The following ANKS1B variants were observed in gnomAD, a reference collection of about 807,000 sequenced individuals.
ANKS1B encodes the protein ankyrin repeat and sterile alpha motif domain containing 1B.
A neutral mutation model predicts 148.3 loss-of-function variants in ANKS1B; 36 were observed. That is an observed-to-expected ratio of 0.24 (90% CI 0.19 to 0.32). The LOEUF is 0.32. Among genes scored for constraint, ANKS1B ranks in the 10% least tolerant of loss-of-function variants. The pLI, the probability that ANKS1B is intolerant of heterozygous loss-of-function variation, is 1.00. For missense variants in ANKS1B, 1,157 were observed against 1,542.6 expected, an observed-to-expected ratio of 0.75 and a Z score of 4.19; for synonymous variants, 542 against 560.8, an observed-to-expected ratio of 0.97 and a Z score of 0.47.
At chr12:98,899,668 T>C (rs1219925752) in intron 17 of ANKS1B, among the ~76,000 whole-genome samples, 2 of 152,150 alleles carry the variant, frequency 1.3e-5, no homozygotes, top group African/African-American at 4.8e-5. Flanking sequence ...GTCTCCACAA[T>C]CATGTAAGCC....
chr12:99,236,108 T>C (rs1202627484), intron 14 of ANKS1B, among the ~76,000 whole-genome samples: 1 of 152,250 alleles, frequency 6.6e-6, no homozygotes, highest in Non-Finnish European at 1.5e-5. Flanking sequence ...TGCAAGTGAT[T>C]TGTAGACCAC....
intron 17 of ANKS1B, among the ~76,000 whole-genome samples, chr12:98,911,106 T>C (rs1472048083): frequency 6.6e-6 from 1 of 152,192 alleles, no homozygotes; most frequent in African/African-American, 2.4e-5. Flanking sequence ...TGGTAGATTT[T>C]TTTTTTAAAC....
intron 14 of ANKS1B, among the ~76,000 whole-genome samples, chr12:99,173,613 A>G (rs2078041923): frequency 6.6e-6 from 1 of 152,206 alleles, no homozygotes; most frequent in African/African-American, 2.4e-5. Context: ...TTATACTATA[A>G]TATAAACATA....
chr12:99,325,701 C>T (rs2086180187), intron 12 of ANKS1B, among the ~76,000 whole-genome samples: 1 of 152,084 alleles, frequency 6.6e-6, no homozygotes, highest in Admixed American at 6.6e-5. Context: ...GATCAAGATT[C>T]TGAAGCATTT....
At chr12:99,181,325 C>G (rs2079087798) in intron 14 of ANKS1B, among the ~76,000 whole-genome samples, 1 of 152,016 alleles carries the variant, frequency 6.6e-6, no homozygotes, top group African/African-American at 2.4e-5. Flanking sequence ...CTTTTGAAAG[C>G]CCCAACCATC....
At position 98,972,013 on chromosome 12, in the gene ANKS1B, C is replaced by CA. The variant is rs1216700599; in HGVS notation, c.2778+81143dup. On this transcript the variant is annotated intron_variant, in intron 17 of 26. Transcript: ENST00000683438. The stretch of plus-strand genomic sequence containing the variant: ...TCAAACCCCGTCTCTACTAAAAATA[C>CA]AAAAATTAGCCGGGCGTGGTGGCGT... Among the ~76,000 whole-genome samples, 10 of 152,140 alleles carry CA rather than the reference C, an allele frequency of 6.6e-5. No individual in the cohort carries two copies. In the East Asian group the frequency reaches 1.9e-3, roughly 29 times the overall value.
intron 12 of ANKS1B, among the ~76,000 whole-genome samples, chr12:99,347,768 A>G (rs1278500186): frequency 1.3e-5 from 2 of 151,822 alleles, no homozygotes; most frequent in African/African-American, 4.8e-5. Context: ...TAATATTTAA[A>G]ATGCTCAGTT....
At chr12:99,466,236 C>T (rs1324427093) in intron 10 of ANKS1B, among the ~76,000 whole-genome samples, 1 of 152,132 alleles carries the variant, frequency 6.6e-6, no homozygotes, top group East Asian at 1.9e-4. Context: ...GTCTTTGAAA[C>T]CAACGAAAAC....
At chr12:99,385,670 G>A (rs962861862) in intron 12 of ANKS1B, among the ~76,000 whole-genome samples, 1 of 152,034 alleles carries the variant, frequency 6.6e-6, no homozygotes, top group African/African-American at 2.4e-5. Context: ...AGTATTTATT[G>A]TAATGTTCCC....
chr12:99,658,468 C>T (rs1162735702), intron 8 of ANKS1B, among the ~76,000 whole-genome samples: 1 of 152,016 alleles, frequency 6.6e-6, no homozygotes, highest in Admixed American at 6.6e-5. Flanking sequence ...TTCCAGATTT[C>T]CCACAAGCAT....
chr12:98,828,556 C>G lies in ANKS1B; in HGVS notation c.3066+618G>C, dbSNP rs144890256. Among the ~76,000 whole-genome samples, 26 of 152,334 alleles carry G rather than the reference C, an allele frequency of 1.7e-4. No homozygotes were observed. The South Asian group carries it at 5.0e-3, about 29-fold the overall frequency. On this transcript the variant is annotated intron_variant, in intron 19 of 26. Transcript: ENST00000683438. ...GTACATTAAGAACAGCGCCACTGTT[C>G]GGTTAAGGCTGACTCAAGTTTCTAA...
rs574187565 is a variant in ANKS1B at position 99,330,287 on chromosome 12, T to A, written c.1756+69344A>T. Reference sequence around the variant, plus strand: ...GTTAATGTCTTATTTCTAAAATATGTCTATTATAGATTCAAGTAAATCCAG... The same window carrying A: ...GTTAATGTCTTATTTCTAAAATATGACTATTATAGATTCAAGTAAATCCAG... On this transcript the variant is annotated intron_variant, in intron 12 of 26. Coordinates refer to ENST00000683438, the MANE Select transcript of ANKS1B (RefSeq NM_001352186.2). 2.6e-5 allele frequency among the ~76,000 whole-genome samples: 4 copies of A among 152,058 alleles called. No homozygotes were observed. In the East Asian group the frequency reaches 7.7e-4, roughly 29 times the overall value.
intron 8 of ANKS1B, among the ~76,000 whole-genome samples, chr12:99,689,980 G>C (rs1047412940): frequency 6.6e-6 from 1 of 152,138 alleles, no homozygotes; most frequent in Non-Finnish European, 1.5e-5. Flanking sequence ...AAAGGAAAGA[G>C]GTTTAATTGC....
chr12:99,129,070 G>A (rs1163003356), intron 15 of ANKS1B, among the ~76,000 whole-genome samples: 1 of 152,174 alleles, frequency 6.6e-6, no homozygotes. Context: ...AACAAATTGA[G>A]TTGCAGTAGC....
chr12:99,443,639 T>G (rs764263620), intron 11 of ANKS1B, 34 bp downstream of exon 11: 2 of 1,607,502 alleles, frequency 1.2e-6, no homozygotes, highest in Non-Finnish European at 1.7e-6. Flanking sequence ...TCAAAACACA[T>G]TAGAGGGAAA....
chr12:98,932,704 A>G (rs2099814789), intron 17 of ANKS1B, among the ~76,000 whole-genome samples: 1 of 152,174 alleles, frequency 6.6e-6, no homozygotes, highest in African/African-American at 2.4e-5. Context: ...ATGTTAATAT[A>G]TATTCCTGGA....
chr12:99,143,182 T>C (rs2071604619), intron 15 of ANKS1B, among the ~76,000 whole-genome samples: 1 of 152,132 alleles, frequency 6.6e-6, no homozygotes. Context: ...ATTCTAATTA[T>C]CTTTGCTCCT....
At chr12:98,904,065 T>G (rs909508614) in intron 17 of ANKS1B, among the ~76,000 whole-genome samples, 3 of 151,914 alleles carry the variant, frequency 2.0e-5, no homozygotes, top group Admixed American at 2.0e-4. Flanking sequence ...AAATTTTATT[T>G]TTGAAATAAT....
At chr12:99,714,540 T>TGAGA (rs2057051786) in intron 8 of ANKS1B, among the ~76,000 whole-genome samples, 1 of 152,196 alleles carries the variant, frequency 6.6e-6, no homozygotes, top group Non-Finnish European at 1.5e-5. Context: ...TCAAGTTTTT[T>TGAGA]ATTATTATTA....
Sources: allele counts gnomAD v4.1 joint callset (sites outside exome capture counted in the v4.1 genomes callset), GRCh38; gene constraint gnomAD v4.1.1; transcripts MANE v1.5; gene names NCBI Gene and HGNC (gene_info 2026-07-23, HGNC 2026-07-21).